The following PLEKHA6 variants were observed in gnomAD, a reference collection of about 807,000 sequenced individuals.
PLEKHA6 encodes pleckstrin homology domain containing A6.
PLEKHA6 carries 60 observed loss-of-function variants against 116.7 expected under a neutral mutation model. That is an observed-to-expected ratio of 0.51 (90% CI 0.42 to 0.64). The LOEUF is 0.64. PLEKHA6 is among the 30% of genes least tolerant of loss of function. PLEKHA6 has a pLI of 0.00. For missense variants in PLEKHA6, 1,338 were observed against 1,422.7 expected (o/e 0.94, Z 0.96); for synonymous variants, 489 against 556.1 (o/e 0.88, Z 1.70).
chr1:204,328,347 G>T (rs1318065529), intron 1 of PLEKHA6, among the ~76,000 whole-genome samples: 1 of 151,016 alleles, frequency 6.6e-6, no homozygotes, highest in Non-Finnish European at 1.5e-5. Flanking sequence ...CACCCAAAGT[G>T]CTGGGACTAC....
chr1:204,377,379 C>G (rs552845782), intron 1 of PLEKHA6, among the ~76,000 whole-genome samples: 1 of 152,318 alleles, frequency 6.6e-6, no homozygotes, highest in East Asian at 1.9e-4. Flanking sequence ...TGAGGGAATG[C>G]CAAGCCTTTG....
At chr1:204,285,618 G>C (rs1165643373) in intron 1 of PLEKHA6, among the ~76,000 whole-genome samples, 1 of 152,154 alleles carries the variant, frequency 6.6e-6, no homozygotes, top group East Asian at 1.9e-4. Flanking sequence ...TGGAACGTCA[G>C]GCACGGGCCA....
chr1:204,352,433 A>G (rs1049585435), intron 1 of PLEKHA6, among the ~76,000 whole-genome samples: 1 of 152,104 alleles, frequency 6.6e-6, no homozygotes, highest in Non-Finnish European at 1.5e-5. Flanking sequence ...TGTTTTCTTC[A>G]TATTATTTTA....
At chr1:204,325,593 C>T (rs960859629) in intron 1 of PLEKHA6, among the ~76,000 whole-genome samples, 2 of 152,186 alleles carry the variant, frequency 1.3e-5, no homozygotes, top group African/African-American at 2.4e-5. Flanking sequence ...TCAGCACACA[C>T]GTTACTGTGG....
intron 1 of PLEKHA6, among the ~76,000 whole-genome samples, chr1:204,295,528 G>C (rs182379325): frequency 7.3e-5 from 11 of 151,590 alleles, no homozygotes; most frequent in Non-Finnish European, 1.3e-4. Context: ...AAATTCTAGT[G>C]CTTATGCTGC....
At chr1:204,353,965 C>G (rs1181737052) in intron 1 of PLEKHA6, among the ~76,000 whole-genome samples, 1 of 152,174 alleles carries the variant, frequency 6.6e-6, no homozygotes, top group Non-Finnish European at 1.5e-5. Context: ...CCCTGGATAG[C>G]CCACTGCTGC....
rs142454626 is a variant in PLEKHA6, at chr1:204,264,984, T to C, written c.339A>G (p.Ala113=). The part of the protein sequence containing the change: ...SIPLLSFRVA[A]VQPSDNISRK... ...GGCTGATGTTGTCTGAGGGCTGCAC[T>C]GCGGCTACCCGGAAGCTCAGGAGGG... is the stretch of plus-strand genomic sequence containing the variant. Residue 113 remains alanine (A), a synonymous_variant, in exon 6 of 23, where the codon GCA becomes GCG. Transcript: ENST00000272203. 6 of 1,614,028 alleles carry C rather than the reference T, an allele frequency of 3.7e-6. No homozygotes were observed. Among genetic ancestry groups the C allele is most frequent in the African/African-American group, 1.3e-5 (1 of 74,918 alleles).
Position 204,228,318 on chromosome 1 carries a change from G to T in PLEKHA6, c.2886-90C>A. 7.6e-7 allele frequency: 1 copy of T among 1,317,864 alleles called. No homozygotes were observed. Among genetic ancestry groups the T allele is most frequent in the Non-Finnish European group, 1.1e-6 (1 of 951,796 alleles). 81.6% of individuals were successfully genotyped at this position (1,317,864 alleles called of 1,614,324 possible). A position where few individuals can be genotyped will look rare whatever the true frequency, so the allele number is the denominator to read the frequency against. On this transcript the variant is annotated intron_variant, in intron 20 of 22. Coordinates refer to ENST00000272203, the MANE Select transcript of PLEKHA6 (RefSeq NM_014935.5). The surrounding 1 kb of genome is among the most constrained non-coding windows in gnomAD (Gnocchi z 4.0). Reference sequence around the variant, plus strand: ...CCTGCGGACTGAGGTTGGCAGGGAGGGCCAGGGCCCCGTGAATGTGCAGTC... The same window carrying T: ...CCTGCGGACTGAGGTTGGCAGGGAGTGCCAGGGCCCCGTGAATGTGCAGTC...
intron 17 of PLEKHA6, 109 bp downstream of exon 17, chr1:204,241,265 CT>C (rs1398655854): frequency 2.9e-6 from 2 of 689,114 alleles, no homozygotes; most frequent in Non-Finnish European, 5.0e-6. Context: ...TTCCACCTTC[CT>C]CTCCAGCCCT....
chr1:204,245,878 A>T (rs1663592886), intron 13 of PLEKHA6, 152 bp from the exon 14 acceptor site: 1 of 513,824 alleles, frequency 1.9e-6, no homozygotes, highest in African/African-American at 2.1e-5. Flanking sequence ...ACACACACAC[A>T]TGCCCCTCCA....
At chr1:204,230,069 G>A (rs531796012) in intron 18 of PLEKHA6, among the ~76,000 whole-genome samples, 1 of 152,252 alleles carries the variant, frequency 6.6e-6, no homozygotes, top group Non-Finnish European at 1.5e-5. Flanking sequence ...CCCAGTGCTA[G>A]GCACAGAGGA....
chr1:204,248,175 T>TTTTTA (rs1664032095), intron 12 of PLEKHA6, among the ~76,000 whole-genome samples: 8 of 147,722 alleles, frequency 5.4e-5, no homozygotes, highest in East Asian at 2.0e-4. Context: ...TTTTTTTTTT[T>TTTTTA]GAGATGGAGT....
chr1:204,280,474 G>C, intron 1 of PLEKHA6: 1 of 984,774 alleles, frequency 1.0e-6, no homozygotes, highest in Non-Finnish European at 1.2e-6. Flanking sequence ...TGTACACCAA[G>C]CTGCTTCATT....
intron 1 of PLEKHA6, among the ~76,000 whole-genome samples, chr1:204,348,910 G>A (rs1268909794): frequency 1.3e-5 from 2 of 152,292 alleles, no homozygotes; most frequent in East Asian, 3.9e-4. Flanking sequence ...GCATGGCCTG[G>A]GCCCCTGACA....
intron 1 of PLEKHA6, among the ~76,000 whole-genome samples, chr1:204,306,699 G>A (rs1191825676): frequency 2.6e-5 from 4 of 152,152 alleles, no homozygotes; most frequent in Non-Finnish European, 5.9e-5. Flanking sequence ...TAGATACCGG[G>A]GACTCCAAAA....
chr1:204,301,514 G>T (rs1572132985), intron 1 of PLEKHA6: 2 of 981,046 alleles, frequency 2.0e-6, no homozygotes, highest in African/African-American at 1.7e-5. Context: ...CCACCTCATT[G>T]GGCTTCCAGC....
At chr1:204,251,353 T>A (rs919571738) in intron 9 of PLEKHA6, among the ~76,000 whole-genome samples, 2 of 152,124 alleles carry the variant, frequency 1.3e-5, no homozygotes, top group African/African-American at 2.4e-5. Context: ...GGTTTACCCA[T>A]GAAAGTGAAG....
chr1:204,283,975 AG>A (rs1294049224), intron 1 of PLEKHA6, among the ~76,000 whole-genome samples: 39 of 152,212 alleles, frequency 2.6e-4, no homozygotes, highest in Non-Finnish European at 1.0e-4. Context: ...AGGGCAGGCC[AG>A]CAGGCTCACC....
chr1:204,321,528 T>C (rs1672062080), intron 1 of PLEKHA6, among the ~76,000 whole-genome samples: 6 of 151,368 alleles, frequency 4.0e-5, no homozygotes, highest in Admixed American at 4.0e-4. Context: ...TCTCAGCCTC[T>C]GTGCATGCTG....
Sources: allele counts gnomAD v4.1 joint callset (sites outside exome capture counted in the v4.1 genomes callset), GRCh38; gene constraint gnomAD v4.1.1; non-coding constraint Gnocchi (gnomAD v3.1); transcripts MANE v1.5; gene names NCBI Gene and HGNC (gene_info 2026-07-23, HGNC 2026-07-21).